The following LRRC1 variants were observed in gnomAD, a reference collection of about 807,000 sequenced individuals.
LRRC1 encodes leucine-rich repeat-containing protein 1.
Under a neutral mutation model 69.9 loss-of-function variants are expected in LRRC1, and 28 were observed. That is an observed-to-expected ratio of 0.40 (90% CI 0.30 to 0.55). The LOEUF is 0.55. LRRC1 is among the 20% of genes least tolerant of loss of function. The pLI, the probability that LRRC1 is intolerant of heterozygous loss-of-function variation, is 0.47. For synonymous variants in LRRC1, 236 were observed against 240.2 expected (o/e 0.98, Z 0.16); for missense variants, 498 against 609.0 (o/e 0.82, Z 1.92).
chr6:53,836,506 G>A (rs1168184509), intron 1 of LRRC1, among the ~76,000 whole-genome samples: 2 of 152,050 alleles, frequency 1.3e-5, no homozygotes, highest in Non-Finnish European at 2.9e-5. Context: ...TATAATGGTC[G>A]CTTCTCCCTC....
chr6:53,818,981 C>T (rs1288698962), intron 1 of LRRC1, among the ~76,000 whole-genome samples: 1 of 152,134 alleles, frequency 6.6e-6, no homozygotes, highest in Non-Finnish European at 1.5e-5. Context: ...CATAAGAGTA[C>T]AGGACTGTGG....
intron 2 of LRRC1, among the ~76,000 whole-genome samples, chr6:53,854,595 C>T (rs975769242): frequency 6.6e-6 from 1 of 152,076 alleles, no homozygotes; most frequent in East Asian, 1.9e-4. Context: ...AACTGAGTCT[C>T]AGGTTAGAAA....
chr6:53,837,801 G>A (rs1765654921), intron 1 of LRRC1, among the ~76,000 whole-genome samples: 1 of 152,166 alleles, frequency 6.6e-6, no homozygotes, highest in Admixed American at 6.5e-5. Context: ...TGTCAGAAAT[G>A]GAGAATGGGA....
At chr6:53,898,311 G>A (rs922324508) in intron 7 of LRRC1, among the ~76,000 whole-genome samples, 6 of 152,148 alleles carry the variant, frequency 3.9e-5, no homozygotes, top group African/African-American at 9.7e-5. Flanking sequence ...AGTTCGATTC[G>A]TACTTAGATT....
At chr6:53,872,772 T>C (rs1581890236) in intron 2 of LRRC1, among the ~76,000 whole-genome samples, 1 of 149,072 alleles carries the variant, frequency 6.7e-6, no homozygotes, top group East Asian at 1.9e-4. Flanking sequence ...TTTTTTTTTT[T>C]TGGAGACAGA....
intron 2 of LRRC1, among the ~76,000 whole-genome samples, chr6:53,852,550 A>G (rs768018339): frequency 6.6e-6 from 1 of 152,220 alleles, no homozygotes; most frequent in African/African-American, 2.4e-5. Context: ...ATGGCTGATG[A>G]AGAAACTGAG....
intron 3 of LRRC1, among the ~76,000 whole-genome samples, chr6:53,879,888 G>A (rs1444709940): frequency 2.0e-5 from 3 of 152,122 alleles, no homozygotes; most frequent in South Asian, 2.1e-4. Context: ...CTTGTTACTA[G>A]GATAACTGAA....
chr6:53,854,945 GA>G (rs1291158837), intron 2 of LRRC1, among the ~76,000 whole-genome samples: 1 of 152,208 alleles, frequency 6.6e-6, no homozygotes, highest in Non-Finnish European at 1.5e-5. Context: ...ACATCAACAG[GA>G]AGCTATTAGG....
chr6:53,812,966 G>A (rs181157700), intron 1 of LRRC1, among the ~76,000 whole-genome samples: 1 of 152,078 alleles, frequency 6.6e-6, no homozygotes, highest in East Asian at 1.9e-4. Flanking sequence ...AACTATACAG[G>A]CTTAGAATAG....
Position 53,878,918 on chromosome 6 carries a change from G to T in LRRC1, c.278-75G>T, listed in dbSNP as rs531310685. The T allele has an allele frequency of 4.4e-5, 35 of 802,642 alleles. No homozygotes were observed. In the East Asian group the frequency reaches 8.7e-4, roughly 20 times the overall value. 49.7% of individuals were successfully genotyped at this position (802,642 alleles called of 1,614,324 possible). ...GGAATTTCCAGATATTCTCTTGTGAGTGTGATCCATCTTGAGAGTGATGAA... is the reference window on the plus strand; with the variant it reads ...GGAATTTCCAGATATTCTCTTGTGATTGTGATCCATCTTGAGAGTGATGAA... On this transcript the variant is annotated intron_variant, in intron 2 of 13. Coordinates refer to ENST00000370888, the MANE Select transcript of LRRC1 (RefSeq NM_018214.5).
chr6:53,888,396 CAG>C (rs1242325117), intron 4 of LRRC1, among the ~76,000 whole-genome samples: 1 of 151,986 alleles, frequency 6.6e-6, no homozygotes, highest in Non-Finnish European at 1.5e-5. Context: ...ATAAATTTAA[CAG>C]AAGAAATGTA....
intron 3 of LRRC1, among the ~76,000 whole-genome samples, chr6:53,881,924 AT>A (rs1428474538): frequency 6.6e-6 from 1 of 152,234 alleles, no homozygotes; most frequent in African/African-American, 2.4e-5. Context: ...TTAAATCATG[AT>A]TTTATTTTAA....
chr6:53,900,018 CTGTTTTTTTTTTT>C, intron 8 of LRRC1, 127 bp downstream of exon 8: 5 of 283,924 alleles, frequency 1.8e-5, no homozygotes, highest in East Asian at 6.2e-5. Context: ...AGTCTCCTTA[CTGTTTTTTTTTTT>C]TTTTTTTTTT....
intron 2 of LRRC1, among the ~76,000 whole-genome samples, chr6:53,873,264 G>C (rs184223924): frequency 6.7e-6 from 1 of 148,692 alleles, no homozygotes. Flanking sequence ...TTCACCATTG[G>C]TGTATAGAAG....
intron 2 of LRRC1, among the ~76,000 whole-genome samples, chr6:53,843,783 T>A (rs1765858742): frequency 6.6e-6 from 1 of 152,206 alleles, no homozygotes; most frequent in Non-Finnish European, 1.5e-5. Flanking sequence ...GTGGGTTCTC[T>A]GTTCTTCCCT....
rs80164124 is a variant in LRRC1 at position 53,805,114 on chromosome 6, C to T, written c.159+9699C>T. 1.9e-3 allele frequency among the ~76,000 whole-genome samples: 295 copies of T among 152,108 alleles called. 4 individuals are homozygous for T. The East Asian group carries it at 0.041, about 21-fold the overall frequency. ...GAAAAGGCCTCGGGTAGGCTTTAGT[C>T]AGTTGAGCAGGTATTTGTGCCAGAT... On this transcript the variant is annotated intron_variant, in intron 1 of 13. Coordinates refer to ENST00000370888, the MANE Select transcript of LRRC1 (RefSeq NM_018214.5).
chr6:53,917,993 T>C lies in LRRC1; in HGVS notation c.1107-1505T>C, dbSNP rs915072109. Among the ~76,000 whole-genome samples the C allele has an allele frequency of 2.6e-5, 4 of 152,210 alleles. No homozygotes were observed. In the East Asian group the frequency reaches 7.7e-4, roughly 29 times the overall value. Reference sequence around the variant, plus strand: ...GCACAAGGTATTTCAGTTCTGTCCCTTAAAGAACAAATATCCCAGAGGAAA... The same window carrying C: ...GCACAAGGTATTTCAGTTCTGTCCCCTAAAGAACAAATATCCCAGAGGAAA... On this transcript the variant is annotated intron_variant, in intron 11 of 13. Transcript: ENST00000370888.
chr6:53,802,086 G>C (rs1047237907), intron 1 of LRRC1, among the ~76,000 whole-genome samples: 1 of 152,154 alleles, frequency 6.6e-6, no homozygotes, highest in Non-Finnish European at 1.5e-5. Context: ...TGTACTGCCC[G>C]CCTGGGAGCA....
At chr6:53,914,000 G>A (rs773456129) in intron 11 of LRRC1, 31 bp downstream of exon 11, 47 of 1,490,066 alleles carry the variant, frequency 3.2e-5, no homozygotes, top group Non-Finnish European at 4.2e-5. Flanking sequence ...TTTGCTTGAG[G>A]GAAACAAATA....
Sources: allele counts gnomAD v4.1 joint callset (sites outside exome capture counted in the v4.1 genomes callset), GRCh38; gene constraint gnomAD v4.1.1; transcripts MANE v1.5; gene names NCBI Gene and HGNC (gene_info 2026-07-23, HGNC 2026-07-21).